LMOD1: variants seen among roughly 807,000 people sequenced by gnomAD.
LMOD1 encodes leiomodin-1.
A neutral mutation model predicts 36.5 loss-of-function variants in LMOD1; 8 were observed. The ratio of observed to expected loss-of-function variants is 0.22; its 90% confidence interval spans 0.13 to 0.40. LMOD1 has a LOEUF of 0.40. Ranked by LOEUF, LMOD1 falls within the 10% of genes least tolerant of loss-of-function variation. The pLI is 1.00. For missense variants in LMOD1, 630 were observed against 751.1 expected, an observed-to-expected ratio of 0.84 and a Z score of 1.88; for synonymous variants, 284 against 288.7, an observed-to-expected ratio of 0.98 and a Z score of 0.17.
chr1:201,901,634 A>G (rs1406871735), intron 1 of LMOD1, among the ~76,000 whole-genome samples: 2 of 67,526 alleles, frequency 3.0e-5, no homozygotes, highest in Non-Finnish European at 5.4e-5. Context: ...GTGTGTGTAT[A>G]TATATATATA....
intron 1 of LMOD1, among the ~76,000 whole-genome samples, chr1:201,910,084 C>T (rs1168506351): frequency 6.6e-6 from 1 of 152,170 alleles, no homozygotes; most frequent in Non-Finnish European, 1.5e-5. Context: ...AAGTGCTTTA[C>T]TTAAGTCATT....
chr1:201,942,401 G>A (rs996291387), intron 1 of LMOD1, among the ~76,000 whole-genome samples: 8 of 152,182 alleles, frequency 5.3e-5, no homozygotes, highest in African/African-American at 1.9e-4. Context: ...TGGAGGAAGT[G>A]GTACCTGAGA....
At chr1:201,912,883 G>A (rs184192237) in intron 1 of LMOD1, among the ~76,000 whole-genome samples, 7 of 152,152 alleles carry the variant, frequency 4.6e-5, no homozygotes, top group East Asian at 3.9e-4. Context: ...CAGAAAAAAC[G>A]AAAACAAAAA....
At chr1:201,942,012 G>A (rs945042936) in intron 1 of LMOD1, among the ~76,000 whole-genome samples, 7 of 152,232 alleles carry the variant, frequency 4.6e-5, no homozygotes, top group Non-Finnish European at 8.8e-5. Context: ...TCACTGAACC[G>A]TTGGCTACAG....
chr1:201,899,781 A>G lies in LMOD1; in HGVS notation c.1232T>C (p.Leu411Pro). ...GKGILAIFRA[L>P]LQNNTLTELR... ...CTCGGTCAGCGTGTTGTTCTGGAGGAGGGCCCGGAAGATGGCCAGGATGCC... is the reference window on the plus strand; with the variant it reads ...CTCGGTCAGCGTGTTGTTCTGGAGGGGGGCCCGGAAGATGGCCAGGATGCC... Residue 411 changes from leucine to proline, a missense_variant, in exon 2 of 3, where the codon CTC becomes CCC. Physicochemically the swap from Leu to Pro is moderately conservative, Grantham distance 98. Around this residue, in one of 3 missense-constraint regions of LMOD1, gnomAD observed 81 missense variants for 180.6 expected, o/e 0.45. Coordinates refer to ENST00000367288, the MANE Select transcript of LMOD1 (RefSeq NM_012134.3). The surrounding 1 kb of genome is among the most constrained non-coding windows in gnomAD (Gnocchi z 6.3). 1 of 1,613,948 alleles carries G rather than the reference A, an allele frequency of 6.2e-7. No individual in the cohort carries two copies. The highest frequency in any genetic ancestry group is 8.5e-7 in the Non-Finnish European group (1 of 1,179,880).
At position 201,899,263 on chromosome 1, in the gene LMOD1, A is replaced by T. The variant is rs752357396; in HGVS notation, c.1750T>A (p.Ser584Thr). Residue 584 changes from serine (S) to threonine (T), a missense_variant, in exon 2 of 3, where the codon TCC (serine) becomes ACC (threonine). By Grantham distance (58) the Ser-to-Thr change is moderately conservative. Around this residue, in one of 3 missense-constraint regions of LMOD1, gnomAD observed 144 missense variants for 169.8 expected, o/e 0.85. Transcript: ENST00000367288. The surrounding 1 kb of genome is among the most constrained non-coding windows in gnomAD (Gnocchi z 6.3). Reference protein sequence around the residue: ...SRDQLLAAIRSSNLKQLKKVE... With the variant: ...SRDQLLAAIRTSNLKQLKKVE... ...TTCTTGAGCTGCTTGAGGTTGCTGG[A>T]GCGGATGGCAGCCAATAGCTGGTCA... is the stretch of plus-strand genomic sequence containing the variant. 6.3e-7 allele frequency: 1 copy of T among 1,598,916 alleles called. No homozygotes were observed. The highest frequency in any genetic ancestry group is 2.2e-5 in the East Asian group (1 of 44,576).
rs193146040 is a variant in LMOD1, at chr1:201,904,314, G to A, written c.262-3563C>T. Among the ~76,000 whole-genome samples the A allele has an allele frequency of 1.6e-4, 25 of 152,242 alleles. 2 individuals are homozygous for A. Among genetic ancestry groups the A allele is most frequent in the African/African-American group, 5.5e-4 (23 of 41,562 alleles). ...CAACCTCTGCCTTCTGAGTTCAAGC[G>A]ATTCTCCTGCCTCAGCCTCCCAAGT... On this transcript the variant is annotated intron_variant, in intron 1 of 2. Transcript: ENST00000367288.
chr1:201,941,087 A>G (rs956847826), intron 1 of LMOD1, among the ~76,000 whole-genome samples: 2 of 149,798 alleles, frequency 1.3e-5, no homozygotes, highest in African/African-American at 2.5e-5. Flanking sequence ...GGGTTTCCCC[A>G]TGTTGGCCAG....
intron 1 of LMOD1, among the ~76,000 whole-genome samples, chr1:201,938,015 A>G (rs1427694365): frequency 6.6e-6 from 1 of 152,156 alleles, no homozygotes; most frequent in Non-Finnish European, 1.5e-5. Flanking sequence ...AAGGGAGGAA[A>G]CTAATGTTCA....
chr1:201,924,665 A>AAAAGAAAGAAAGAAAGAAAAAAAAG (rs1681787342), intron 1 of LMOD1, among the ~76,000 whole-genome samples: 1 of 130,192 alleles, frequency 7.7e-6, no homozygotes, highest in Non-Finnish European at 1.6e-5. Context: ...AGAAAGAAAA[A>AAAAGAAAGAAAGAAAGAAAAAAAAG]AAAGAAAGAA....
intron 1 of LMOD1, among the ~76,000 whole-genome samples, chr1:201,909,409 G>C (rs2820317): frequency 0.32 from 48,830 of 151,994 alleles, 8,087 homozygotes; most frequent in Non-Finnish European, 0.34. Flanking sequence ...TTCTTTCTTT[G>C]TTTCTTTTTC....
In LMOD1 at chr1:201,897,419, T is replaced by C. The variant is rs1681213552; in HGVS notation, c.*953A>G. ...AGGACTGGTTCAGGAGCAGACCTAG[T>C]AGAGGCCTGGCCTTCTAGACCTGGA... is the stretch of plus-strand genomic sequence containing the variant. On this transcript the variant is annotated 3_prime_UTR_variant, in exon 3 of 3. Transcript: ENST00000367288. 6.5e-6 allele frequency: 1 copy of C among 153,986 alleles called. No individual in the cohort carries two copies. The highest frequency in any genetic ancestry group is 2.4e-5 in the African/African-American group (1 of 41,444). The allele number at this position is 153,986 out of a possible 1,614,324, so 9.5% of individuals were successfully genotyped here.
intron 1 of LMOD1, among the ~76,000 whole-genome samples, chr1:201,922,127 T>A (rs776133224): frequency 6.6e-6 from 1 of 152,174 alleles, no homozygotes; most frequent in Non-Finnish European, 1.5e-5. Flanking sequence ...ATTGGACCCC[T>A]TGTATGTTGC....
At chr1:201,943,460 G>A (rs926629996) in intron 1 of LMOD1, among the ~76,000 whole-genome samples, 7 of 152,210 alleles carry the variant, frequency 4.6e-5, no homozygotes, top group Non-Finnish European at 4.4e-5. Flanking sequence ...CCGTCAGTGA[G>A]GGCTGCAGCC....
intron 1 of LMOD1, among the ~76,000 whole-genome samples, chr1:201,904,271 C>T (rs143602224): frequency 0.055 from 8,321 of 152,198 alleles, 236 homozygotes; most frequent in Middle Eastern, 0.11. Context: ...AGTGCAATGC[C>T]GCAATCTCGG....
rs1418575332 is a variant in LMOD1 at position 201,901,656 on chromosome 1, A to ATATG, written c.262-906_262-905insCATA. On this transcript the variant is annotated intron_variant, in intron 1 of 2. Transcript: ENST00000367288. ...TATATATATATATATATACATATAT[A>ATATG]TGTGTATATATATATATACACATAT... Among the ~76,000 whole-genome samples, 117 of 79,274 alleles carry ATATG rather than the reference A, an allele frequency of 1.5e-3. 11 individuals are homozygous for ATATG. The highest frequency in any genetic ancestry group is 4.9e-3 in the African/African-American group (103 of 21,102). The allele number at this position is 79,274 out of a possible 152,430, so 52.0% of individuals were successfully genotyped here.
chr1:201,935,863 A>C (rs1437270298), intron 1 of LMOD1, among the ~76,000 whole-genome samples: 3 of 150,314 alleles, frequency 2.0e-5, no homozygotes, highest in Non-Finnish European at 4.4e-5. Context: ...GGCCAATCCC[A>C]GGACTTTGGG....
intron 1 of LMOD1, among the ~76,000 whole-genome samples, chr1:201,926,055 G>A (rs1681821525): frequency 6.6e-6 from 1 of 152,044 alleles, no homozygotes; most frequent in African/African-American, 2.4e-5. Context: ...CTCCCCAAAG[G>A]AAGAAAAACC....
intron 1 of LMOD1, among the ~76,000 whole-genome samples, chr1:201,932,216 A>G (rs1051330716): frequency 8.5e-5 from 13 of 152,184 alleles, no homozygotes; most frequent in Non-Finnish European, 2.9e-5. Flanking sequence ...TAAAGCCTGA[A>G]AATTGAGTGG....
Sources: gnomAD v4.1 joint callset for allele counts (sites outside exome capture counted in the v4.1 genomes callset) on GRCh38, gnomAD v4.1.1 for gene constraint, gnomAD v4.1.1 regional missense constraint, Gnocchi (gnomAD v3.1) non-coding constraint, MANE v1.5 for transcripts, NCBI Gene and HGNC (gene_info 2026-07-23, HGNC 2026-07-21) for gene names.